Variants in ARID5B observed in about 807,000 individuals in gnomAD.
ARID5B encodes AT-rich interaction domain 5B.
ARID5B carries 13 observed loss-of-function variants against 97.2 expected under a neutral mutation model. The observed-to-expected ratio is 0.13, with a 90% CI of 0.09 to 0.21. The LOEUF (loss-of-function observed/expected upper bound fraction) is 0.21. Among genes scored for constraint, ARID5B ranks in the 10% least tolerant of loss-of-function variants. The probability of loss-of-function intolerance (pLI) is 1.00; values close to 1 mark genes in which losing one functional copy is unlikely to be tolerated. For missense variants in ARID5B, 1,210 were observed against 1,465.3 expected (o/e 0.83, Z 2.84); for synonymous variants, 556 against 570.3 (o/e 0.97, Z 0.36).
At chr10:62,041,456 CATT>C (rs1332278146) in intron 4 of ARID5B, among the ~76,000 whole-genome samples, 1 of 152,202 alleles carries the variant, frequency 6.6e-6, no homozygotes, top group African/African-American at 2.4e-5. Context: ...CTACTATTCA[CATT>C]ATTCTTTCTG....
intron 2 of ARID5B, among the ~76,000 whole-genome samples, chr10:61,928,259 G>A (rs1844142291): frequency 6.6e-6 from 1 of 152,028 alleles, no homozygotes; most frequent in Non-Finnish European, 1.5e-5. Context: ...CAACACCTCT[G>A]TCACTTGTTC....
chr10:61,995,157 A>G (rs1294963336), intron 3 of ARID5B, among the ~76,000 whole-genome samples: 1 of 152,150 alleles, frequency 6.6e-6, no homozygotes, highest in Non-Finnish European at 1.5e-5. Flanking sequence ...CTTTTTCTCT[A>G]TGGGTGTGGT....
intron 7 of ARID5B, among the ~76,000 whole-genome samples, chr10:62,062,779 C>CAAAAAAA (rs55969343): frequency 1.2e-5 from 1 of 86,204 alleles, no homozygotes; most frequent in Non-Finnish European, 2.3e-5. Flanking sequence ...GGCCTTTGTG[C>CAAAAAAA]AAAAAAAAAA....
chr10:61,904,178 T>C (rs113194493), intron 2 of ARID5B, among the ~76,000 whole-genome samples: 445 of 152,058 alleles, frequency 2.9e-3, no homozygotes, highest in Non-Finnish European at 4.8e-3. Flanking sequence ...AGGGAAGGAT[T>C]AAATATCCAG....
At chr10:62,070,848 A>G (rs1403367968) in intron 8 of ARID5B, among the ~76,000 whole-genome samples, 1 of 152,098 alleles carries the variant, frequency 6.6e-6, no homozygotes, top group Non-Finnish European at 1.5e-5. Flanking sequence ...CAATTTTTAA[A>G]ATATGTTATT....
At chr10:62,022,735 G>T (rs1839371954) in intron 4 of ARID5B, among the ~76,000 whole-genome samples, 1 of 152,130 alleles carries the variant, frequency 6.6e-6, no homozygotes. Context: ...TAAAATTAAT[G>T]TGCTTTCCTT....
At chr10:61,989,075 A>C (rs551554473) in intron 3 of ARID5B, among the ~76,000 whole-genome samples, 2 of 151,570 alleles carry the variant, frequency 1.3e-5, no homozygotes, top group East Asian at 3.9e-4. Flanking sequence ...GACTACAGGC[A>C]TGTGCCACCA....
intron 3 of ARID5B, among the ~76,000 whole-genome samples, chr10:61,991,937 T>G (rs904419655): frequency 2.0e-5 from 3 of 151,580 alleles, no homozygotes; most frequent in Non-Finnish European, 4.4e-5. Flanking sequence ...GAGGCTGAGG[T>G]AGGAGAATCG....
rs367954015 is a variant in ARID5B at position 61,993,149 on chromosome 10, ACG to A, written c.503-6940_503-6939del. Reference sequence around the variant, plus strand: ...CACACACACACACACACACACACACACGCACACACAACTGATCTTCCCTGACT... The same window carrying A: ...CACACACACACACACACACACACACACACACACAACTGATCTTCCCTGACT... On this transcript the variant is annotated intron_variant, in intron 3 of 9. Transcript: ENST00000279873. 2.2e-4 allele frequency among the ~76,000 whole-genome samples: 32 copies of A among 142,914 alleles called. No homozygotes were observed. In the East Asian group the frequency reaches 2.7e-3, roughly 12 times the overall value. The allele number at this position is 142,914 out of a possible 152,430, so 93.8% of individuals were successfully genotyped here. A position where few individuals can be genotyped will look rare whatever the true frequency, so the allele number is the denominator to read the frequency against.
At chr10:62,045,514 G>A (rs371390171) in intron 4 of ARID5B, among the ~76,000 whole-genome samples, 9 of 149,940 alleles carry the variant, frequency 6.0e-5, no homozygotes, top group African/African-American at 1.5e-4. Context: ...GCAGTGGTGC[G>A]ATCTTGGCTC....
chr10:62,007,182 G>C (rs529732527), intron 4 of ARID5B, among the ~76,000 whole-genome samples: 10 of 152,236 alleles, frequency 6.6e-5, no homozygotes, highest in Non-Finnish European at 4.4e-5. Context: ...GTCTATGTTC[G>C]CTTGACTTAA....
chr10:62,030,042 G>A (rs906603848), intron 4 of ARID5B, among the ~76,000 whole-genome samples: 1 of 152,096 alleles, frequency 6.6e-6, no homozygotes, highest in African/African-American at 2.4e-5. Context: ...TGTAATAATT[G>A]ACGAGCCACA....
At chr10:61,930,839 T>C (rs1034448938) in intron 2 of ARID5B, among the ~76,000 whole-genome samples, 10 of 152,322 alleles carry the variant, frequency 6.6e-5, no homozygotes, top group Middle Eastern at 3.4e-3. Context: ...TCACATCTCC[T>C]TTTGGGAACT....
chr10:61,974,935 T>C (rs937624984), intron 3 of ARID5B, among the ~76,000 whole-genome samples: 5 of 149,364 alleles, frequency 3.3e-5, no homozygotes, highest in African/African-American at 1.3e-4. Context: ...GGGGCAGATA[T>C]GTGCTCTAAC....
chr10:62,034,696 A>C (rs572740771), intron 4 of ARID5B, among the ~76,000 whole-genome samples: 1 of 152,314 alleles, frequency 6.6e-6, no homozygotes, highest in African/African-American at 2.4e-5. Context: ...TTATTTATGA[A>C]ATTTCTAGGC....
At chr10:62,058,233 A>G (rs1839881621) in intron 6 of ARID5B, among the ~76,000 whole-genome samples, 1 of 152,204 alleles carries the variant, frequency 6.6e-6, no homozygotes, top group Admixed American at 6.5e-5. Context: ...AAATAGAAGT[A>G]AAATTAATGT....
chr10:61,980,080 C>T (rs1330739024), intron 3 of ARID5B, among the ~76,000 whole-genome samples: 6 of 151,010 alleles, frequency 4.0e-5, no homozygotes, highest in Admixed American at 3.3e-4. Context: ...GCAACAAGAG[C>T]GAGACTCTGT....
At chr10:61,918,099 G>A (rs1843942502) in intron 2 of ARID5B, among the ~76,000 whole-genome samples, 1 of 152,214 alleles carries the variant, frequency 6.6e-6, no homozygotes, top group South Asian at 2.1e-4. Context: ...AGGTCTAGTG[G>A]GAAATGAGGT....
intron 2 of ARID5B, among the ~76,000 whole-genome samples, chr10:61,935,265 T>A (rs764793419): frequency 6.6e-6 from 1 of 152,122 alleles, no homozygotes; most frequent in Non-Finnish European, 1.5e-5. Context: ...CATGGAAATT[T>A]ATAGCAGCTC....
Sources: gnomAD v4.1 joint callset for allele counts (sites outside exome capture counted in the v4.1 genomes callset) on GRCh38, gnomAD v4.1.1 for gene constraint, MANE v1.5 for transcripts, NCBI Gene and HGNC (gene_info 2026-07-23, HGNC 2026-07-21) for gene names.